The following SMIM22 variants were observed in gnomAD, a reference collection of about 807,000 sequenced individuals.
SMIM22 encodes small integral membrane protein 22, also known as cancer associated small integral membrane open reading frame 1.
SMIM22 carries 16 observed loss-of-function variants against 8.4 expected under a neutral mutation model. That is an observed-to-expected ratio of 1.90 (90% CI 1.29 to 2.89). The LOEUF is 2.89. Among genes scored for constraint, SMIM22 ranks in the 30% most tolerant of loss-of-function variants. The pLI, the probability that SMIM22 is intolerant of heterozygous loss-of-function variation, is 0.00. For synonymous variants in SMIM22, 67 were observed against 47.6 expected, an observed-to-expected ratio of 1.41 and a Z score of -1.68; for missense variants, 159 against 107.5, an observed-to-expected ratio of 1.48 and a Z score of -2.12.
Position 4,796,405 on chromosome 16 carries a change from A to T in SMIM22, c.*174A>T, listed in dbSNP as rs961363890. 12 of 730,736 alleles carry T rather than the reference A, an allele frequency of 1.6e-5. 1 individual carries two copies. The highest frequency in any genetic ancestry group is 2.4e-5 in the Non-Finnish European group (11 of 454,168). The allele number at this position is 730,736 out of a possible 1,614,324, so 45.3% of individuals were successfully genotyped here. A position where few individuals can be genotyped will look rare whatever the true frequency, so the allele number is the denominator to read the frequency against. Reference sequence around the variant, plus strand: ...AGCACGACTGTGCCAGGTCATCCTCAGTCACCTAGCTGGGAGGGGAGCTGG... The same window carrying T: ...AGCACGACTGTGCCAGGTCATCCTCTGTCACCTAGCTGGGAGGGGAGCTGG... On this transcript the variant is annotated 3_prime_UTR_variant, in exon 4 of 4. Transcript: ENST00000586005.
At position 4,795,844 on chromosome 16, in the gene SMIM22, T is replaced by C. The variant is rs925462971; in HGVS notation, c.110T>C (p.Phe37Ser). 1.4e-5 allele frequency: 22 copies of C among 1,535,782 alleles called. No homozygotes were observed. The highest frequency in any genetic ancestry group is 3.9e-5 in the Admixed American group (2 of 50,970). The change falls in exon 2 of 4, where the codon TTC (phenylalanine) becomes TCC (serine). Residue 37 changes from phenylalanine to serine, a missense_variant. Coordinates refer to ENST00000586005, the MANE Select transcript of SMIM22 (RefSeq NM_001253794.2). ...STWDTVAFIV[F>S]LTFMGTVLLL... ...TGGGACACTGTTGCCTTCATTGTTT[T>C]CCTCACCTTCATGGGTAAGTGTGGC...
Position 4,796,021 on chromosome 16 carries a change from A to G in SMIM22, c.198A>G (p.Glu66=). Residue 66 remains glutamate (E), a synonymous_variant, in exon 3 of 4, where the codon GAA becomes GAG. Coordinates refer to ENST00000586005, the MANE Select transcript of SMIM22 (RefSeq NM_001253794.2). ...CCCSSPGPRR[E]SPRKVSPWKE... The stretch of plus-strand genomic sequence containing the variant: ...GCAGCTCCCCCGGGCCCCGCAGGGA[A>G]AGCCCCAGGAAGGTGAGCCCCTGGA... 1 of 1,519,620 alleles carries G rather than the reference A, an allele frequency of 6.6e-7. No homozygotes were observed. Among genetic ancestry groups the G allele is most frequent in the Non-Finnish European group, 8.8e-7 (1 of 1,138,534 alleles). The allele number at this position is 1,519,620 out of a possible 1,614,324, so 94.1% of individuals were successfully genotyped here. A position where few individuals can be genotyped will look rare whatever the true frequency, so the allele number is the denominator to read the frequency against.
At chr16:4,796,127 G>A in intron 3 of SMIM22, 63 bp from the exon 4 acceptor site, 1 of 1,535,790 alleles carries the variant, frequency 6.5e-7, no homozygotes, top group Middle Eastern at 1.7e-4. Context: ...TGGCGGGAAG[G>A]GTGCTCATCC....
chr16:4,790,554 C>G (rs1466781077), upstream of SMIM22, among the ~76,000 whole-genome samples: 1 of 152,184 alleles, frequency 6.6e-6, no homozygotes, highest in African/African-American at 2.4e-5. Context: ...CTTCAGGAGG[C>G]CAAGGTGGGC....
upstream of SMIM22, among the ~76,000 whole-genome samples, chr16:4,793,783 C>G (rs1254533344): frequency 6.6e-6 from 1 of 152,162 alleles, no homozygotes; most frequent in Non-Finnish European, 1.5e-5. Flanking sequence ...TATATGTATA[C>G]AATTTTTTCT....
In SMIM22 at chr16:4,795,434, T is replaced by TG; in HGVS notation, c.-34dup. 5.1e-6 allele frequency: 2 copies of TG among 392,844 alleles called. 1 individual carries two copies. Among genetic ancestry groups the TG allele is most frequent in the South Asian group, 5.6e-5 (2 of 35,736 alleles). The allele number at this position is 392,844 out of a possible 1,614,324, so 24.3% of individuals were successfully genotyped here. A position where few individuals can be genotyped will look rare whatever the true frequency, so the allele number is the denominator to read the frequency against. ...CCAGGACCTGCCTGGTTGGGGGAAT[T>TG]GGAGGCTTCTAGGAGGTAGGTGGGG... On this transcript the variant is annotated 5_prime_UTR_variant, in exon 1 of 4. Transcript: ENST00000586005.
intron 1 of SMIM22, 116 bp downstream of exon 1, chr16:4,795,565 C>A: frequency 1.0e-6 from 1 of 960,976 alleles, no homozygotes; most frequent in Non-Finnish European, 1.5e-6. Flanking sequence ...AGAAGCTGGG[C>A]CTGGGGCCGA....
chr16:4,792,839 G>A (rs1169591983), upstream of SMIM22, among the ~76,000 whole-genome samples: 2 of 148,244 alleles, frequency 1.3e-5, no homozygotes, highest in African/African-American at 5.0e-5. Flanking sequence ...GCCAAGCATC[G>A]TGGCTCACAC....
upstream of SMIM22, among the ~76,000 whole-genome samples, chr16:4,792,807 C>CA (rs1247341963): frequency 0.071 from 3,291 of 46,550 alleles, 95 homozygotes; most frequent in Admixed American, 0.16. Flanking sequence ...GACTCCGTCT[C>CA]AAAAAAAAAA....
At chr16:4,796,145 GAAC>G (rs1669404279) in intron 3 of SMIM22, 42 bp from the exon 4 acceptor site, 1 of 1,535,992 alleles carries the variant, frequency 6.5e-7, no homozygotes, top group South Asian at 1.2e-5. Context: ...TCCCCCTAGG[GAAC>G]AACGAGCGAA....
chr16:4,790,668 G>C (rs1212586222), upstream of SMIM22, among the ~76,000 whole-genome samples: 1 of 152,154 alleles, frequency 6.6e-6, no homozygotes, highest in Non-Finnish European at 1.5e-5. Flanking sequence ...GGCACCTGTA[G>C]TCGCAGCTAC....
intron 2 of SMIM22, among the ~76,000 whole-genome samples, chr16:4,789,419 G>A (rs1242216936): frequency 4.6e-5 from 7 of 151,678 alleles, no homozygotes; most frequent in South Asian, 2.1e-4. Context: ...TCTGCCTCCC[G>A]GGTTCACGCC....
intron 1 of SMIM22, 25 bp from the exon 2 acceptor site, chr16:4,795,689 AT>A (rs1323055249): frequency 1.3e-5 from 20 of 1,530,356 alleles, no homozygotes; most frequent in Non-Finnish European, 1.7e-5. Context: ...CAGGATCCTG[AT>A]GCAGCCTCTG....
chr16:4,794,622 G>A (rs904234235), upstream of SMIM22, among the ~76,000 whole-genome samples: 146 of 152,040 alleles, frequency 9.6e-4, no homozygotes, highest in African/African-American at 3.4e-3. Context: ...GTTTCTCCAC[G>A]TTGGTCAGTC....
upstream of SMIM22, among the ~76,000 whole-genome samples, chr16:4,793,281 C>G (rs2082580669): frequency 1.3e-5 from 2 of 152,130 alleles, no homozygotes. Flanking sequence ...TCAGGATGAA[C>G]ACAGCCTGGT....
intron 2 of SMIM22, chr16:4,789,873 TTC>T (rs1325701994): frequency 1.3e-5 from 2 of 152,140 alleles, no homozygotes; most frequent in African/African-American, 4.8e-5. Context: ...GGCAAATGTT[TTC>T]TCTTTCTTTT....
Position 4,795,515 on chromosome 16 carries a change from G to C in SMIM22, c.-21+66G>C, listed in dbSNP as rs935443395. ...GAGGGGAGATGACAGTGGCTGGGGA[G>C]AAGGTTGTCAGGGTAAGGACCACAG... is the stretch of plus-strand genomic sequence containing the variant. On this transcript the variant is annotated intron_variant, in intron 1 of 3. Coordinates refer to ENST00000586005, the MANE Select transcript of SMIM22 (RefSeq NM_001253794.2). 3.0e-5 allele frequency: 19 copies of C among 629,524 alleles called. No homozygotes were observed. The African/African-American group carries it at 3.4e-4, about 11-fold the overall frequency. The allele number at this position is 629,524 out of a possible 1,614,324, so 39.0% of individuals were successfully genotyped here.
At chr16:4,794,054 G>A (rs2082595118), upstream of SMIM22, among the ~76,000 whole-genome samples, 1 of 152,086 alleles carries the variant, frequency 6.6e-6, no homozygotes, top group Non-Finnish European at 1.5e-5. Context: ...TCCTGCCTCA[G>A]CCTCCCAAGT....
chr16:4,792,079 G>C (rs1276353455), upstream of SMIM22, among the ~76,000 whole-genome samples: 1 of 152,170 alleles, frequency 6.6e-6, no homozygotes, highest in African/African-American at 2.4e-5. Context: ...TTAGAAACAA[G>C]GTACCCAGAG....
Sources: gnomAD v4.1 joint callset for allele counts (sites outside exome capture counted in the v4.1 genomes callset) on GRCh38, gnomAD v4.1.1 for gene constraint, MANE v1.5 for transcripts, NCBI Gene and HGNC (gene_info 2026-07-23, HGNC 2026-07-21) for gene names.